The following FTO variants were observed in gnomAD, a reference collection of about 807,000 sequenced individuals.
FTO encodes the protein alpha-ketoglutarate-dependent dioxygenase FTO.
A neutral mutation model predicts 63.9 loss-of-function variants in FTO; 47 were observed. That is an observed-to-expected ratio of 0.74 (90% CI 0.58 to 0.94). FTO has a LOEUF of 0.94. FTO is among the 40% of genes least tolerant of loss of function. The pLI is 0.00. For missense variants in FTO, 562 were observed against 618.1 expected (o/e 0.91, Z 0.96); for synonymous variants, 207 against 224.4 (o/e 0.92, Z 0.69).
chr16:53,840,815 G>A (rs988768207), intron 3 of FTO, among the ~76,000 whole-genome samples: 1 of 152,028 alleles, frequency 6.6e-6, no homozygotes, highest in Non-Finnish European at 1.5e-5. Context: ...TCTAAAATGG[G>A]CAGCTACTTC....
chr16:53,972,010 G>T lies in FTO; in HGVS notation c.1364+37901G>T, dbSNP rs142215011. On this transcript the variant is annotated intron_variant, in intron 8 of 8. Coordinates refer to ENST00000471389, the MANE Select transcript of FTO (RefSeq NM_001080432.3). ...CACTCTGCTTGGTGCATGTTTTAAC[G>T]ACAAATGATGTATAATCTGAGTTTC... Among the ~76,000 whole-genome samples, 188 of 152,082 alleles carry T rather than the reference G, an allele frequency of 1.2e-3. 1 individual carries two copies. The highest frequency in any genetic ancestry group is 3.1e-3 in the Admixed American group (48 of 15,274).
intron 8 of FTO, among the ~76,000 whole-genome samples, chr16:54,037,988 G>A (rs988057339): frequency 6.6e-6 from 1 of 152,166 alleles, no homozygotes; most frequent in Non-Finnish European, 1.5e-5. Context: ...TCATCTTAGA[G>A]CTACCTGAAC....
rs1448665993 is a variant in FTO at position 54,058,221 on chromosome 16, C to T, written c.1365-53541C>T. Among the ~76,000 whole-genome samples, 4 of 152,132 alleles carry T rather than the reference C, an allele frequency of 2.6e-5. No individual in the cohort carries two copies. In the South Asian group the frequency reaches 8.3e-4, roughly 32 times the overall value. On this transcript the variant is annotated intron_variant, in intron 8 of 8. Transcript: ENST00000471389. Reference sequence around the variant, plus strand: ...CCGCCTCCAGGGTTCAGGTGATTCTCCTGCCTCAGCCTCCCAAGTAGCTGG... The same window carrying T: ...CCGCCTCCAGGGTTCAGGTGATTCTTCTGCCTCAGCCTCCCAAGTAGCTGG...
intron 1 of FTO, among the ~76,000 whole-genome samples, chr16:53,715,872 G>C (rs752318825): frequency 6.6e-6 from 1 of 152,138 alleles, no homozygotes; most frequent in Non-Finnish European, 1.5e-5. Flanking sequence ...TCTCTGTAGA[G>C]TTCATTCAGA....
At chr16:53,719,632 GTTTTTTTT>G (rs751170395) in intron 1 of FTO, among the ~76,000 whole-genome samples, 1 of 100,022 alleles carries the variant, frequency 1.0e-5, no homozygotes, top group East Asian at 3.1e-4. Context: ...CTGGTAGTCT[GTTTTTTTT>G]TTTTTTTTTT....
At chr16:54,020,402 C>T (rs970414764) in intron 8 of FTO, among the ~76,000 whole-genome samples, 1 of 152,016 alleles carries the variant, frequency 6.6e-6, no homozygotes, top group Non-Finnish European at 1.5e-5. Flanking sequence ...TTGCTGGAGA[C>T]AAAAAGAAAA....
intron 1 of FTO, among the ~76,000 whole-genome samples, chr16:53,745,301 A>G (rs1245835466): frequency 6.6e-6 from 1 of 152,120 alleles, no homozygotes; most frequent in Non-Finnish European, 1.5e-5. Flanking sequence ...TTATTGGGCT[A>G]TTTGTCAGTG....
chr16:53,851,396 T>G (rs2079791437), intron 4 of FTO, among the ~76,000 whole-genome samples: 1 of 150,674 alleles, frequency 6.6e-6, no homozygotes, highest in Non-Finnish European at 1.5e-5. Flanking sequence ...GAGGCAGAGG[T>G]TGCAGCGAGT....
intron 1 of FTO, among the ~76,000 whole-genome samples, chr16:53,806,055 A>G (rs918787238): frequency 6.6e-6 from 1 of 152,154 alleles, no homozygotes; most frequent in Admixed American, 6.5e-5. Context: ...AGCTCCTTCT[A>G]CCTGTGCTCC....
chr16:53,861,581 A>C (rs2151854834), intron 4 of FTO, among the ~76,000 whole-genome samples: 2 of 152,172 alleles, frequency 1.3e-5, no homozygotes, highest in African/African-American at 4.8e-5. Flanking sequence ...CCTTCTGCCC[A>C]CTTCCCAGAT....
chr16:53,875,131 GTATT>G (rs2080612374), intron 5 of FTO, among the ~76,000 whole-genome samples: 1 of 123,010 alleles, frequency 8.1e-6, no homozygotes, highest in African/African-American at 2.6e-5. Flanking sequence ...GGAGGAGCAA[GTATT>G]TATAGAGCAT....
intron 8 of FTO, among the ~76,000 whole-genome samples, chr16:54,055,438 AC>A (rs2085409435): frequency 6.6e-6 from 1 of 152,234 alleles, no homozygotes; most frequent in African/African-American, 2.4e-5. Context: ...ATCTATGGCA[AC>A]GAGCTATGTC....
rs78444140 is a variant in FTO at position 54,081,269 on chromosome 16, C to T, written c.1365-30493C>T. ...ACAGGGGCTTATGGTTACAGCCCTA[C>T]CCCCTTTCCAAAGAAGGCGATTAGA... On this transcript the variant is annotated intron_variant, in intron 8 of 8. Transcript: ENST00000471389. 9.6e-3 allele frequency among the ~76,000 whole-genome samples: 1,468 copies of T among 152,284 alleles called. 17 individuals are homozygous for T. Among genetic ancestry groups the T allele is most frequent in the African/African-American group, 0.033 (1,386 of 41,552 alleles).
intron 8 of FTO, among the ~76,000 whole-genome samples, chr16:53,974,186 G>A (rs2083388168): frequency 6.6e-6 from 1 of 152,152 alleles, no homozygotes. Flanking sequence ...CAGACAAAAA[G>A]ATTAAACTTG....
chr16:53,930,228 T>A (rs1941884035), intron 7 of FTO, among the ~76,000 whole-genome samples: 1 of 128,770 alleles, frequency 7.8e-6, no homozygotes, highest in Non-Finnish European at 1.7e-5. Flanking sequence ...CTTCTTTTTT[T>A]TTTTTTTTTT....
At chr16:53,714,363 T>C (rs776118699) in intron 1 of FTO, among the ~76,000 whole-genome samples, 6 of 152,236 alleles carry the variant, frequency 3.9e-5, no homozygotes, top group Non-Finnish European at 5.9e-5. Flanking sequence ...TAACTCACTC[T>C]GCTGAATTGG....
At position 53,934,101 on chromosome 16, in the gene FTO, G is replaced by T; in HGVS notation, c.1356G>T (p.Trp452Cys). Residue 452 changes from tryptophan (W) to cysteine (C), a missense_variant, in exon 8 of 9, where the codon TGG (tryptophan) becomes TGT (cysteine). Transcript: ENST00000471389. ...LTARQNLRRE[W>C]HARCQSRIAR... ...CACGCCAGAACCTGAGGAGAGAATGGCATGCCAGGTTAGTTCTGTTGTGAA... is the reference window on the plus strand; with the variant it reads ...CACGCCAGAACCTGAGGAGAGAATGTCATGCCAGGTTAGTTCTGTTGTGAA... 2 of 1,614,160 alleles carry T rather than the reference G, an allele frequency of 1.2e-6. No individual in the cohort carries two copies. Among genetic ancestry groups the T allele is most frequent in the Non-Finnish European group, 1.7e-6 (2 of 1,179,992 alleles).
At chr16:54,014,673 G>C (rs535241810) in intron 8 of FTO, among the ~76,000 whole-genome samples, 1 of 152,220 alleles carries the variant, frequency 6.6e-6, no homozygotes, top group South Asian at 2.1e-4. Context: ...TTTTGCATAT[G>C]TGAGAATTTT....
At chr16:54,006,788 C>T (rs572667691) in intron 8 of FTO, among the ~76,000 whole-genome samples, 27 of 152,328 alleles carry the variant, frequency 1.8e-4, no homozygotes, top group African/African-American at 5.8e-4. Context: ...ACCAAGTGAG[C>T]GATTGATGAA....
Sources: gnomAD v4.1 joint callset for allele counts (sites outside exome capture counted in the v4.1 genomes callset) on GRCh38, gnomAD v4.1.1 for gene constraint, MANE v1.5 for transcripts, NCBI Gene and HGNC (gene_info 2026-07-23, HGNC 2026-07-21) for gene names.